The following NKAIN2 variants were observed in gnomAD, a reference collection of about 807,000 sequenced individuals.
The protein encoded by NKAIN2 is sodium/potassium transporting ATPase interacting 2.
Under a neutral mutation model 32.6 loss-of-function variants are expected in NKAIN2, and 14 were observed. That is an observed-to-expected ratio of 0.43 (90% CI 0.28 to 0.67). The LOEUF (loss-of-function observed/expected upper bound fraction) is 0.67. NKAIN2 is among the 30% of genes least tolerant of loss of function. The pLI is 0.17. For synonymous variants in NKAIN2, 80 were observed against 87.2 expected (o/e 0.92, Z 0.46); for missense variants, 198 against 258.3 (o/e 0.77, Z 1.60).
At chr6:124,275,021 TTG>T (rs1348813853) in intron 1 of NKAIN2, among the ~76,000 whole-genome samples, 1 of 152,102 alleles carries the variant, frequency 6.6e-6, no homozygotes, top group African/African-American at 2.4e-5. Flanking sequence ...AGAGTTAACT[TTG>T]TGTTACTTTT....
At chr6:124,116,137 C>A (rs1198217919) in intron 1 of NKAIN2, among the ~76,000 whole-genome samples, 1 of 151,968 alleles carries the variant, frequency 6.6e-6, no homozygotes, top group Admixed American at 6.6e-5. Flanking sequence ...TCAGATAAAA[C>A]GTTATTCTTC....
chr6:123,941,859 C>T (rs1272843549), intron 1 of NKAIN2, among the ~76,000 whole-genome samples: 1 of 151,872 alleles, frequency 6.6e-6, no homozygotes, highest in Non-Finnish European at 1.5e-5. Flanking sequence ...TAAATTGTTG[C>T]TGTGTGCCAC....
intron 1 of NKAIN2, among the ~76,000 whole-genome samples, chr6:124,096,983 A>T (rs1039412804): frequency 5.9e-5 from 9 of 152,220 alleles, no homozygotes; most frequent in Admixed American, 4.6e-4. Context: ...TGATTTAAGA[A>T]CGTAGATGAA....
intron 1 of NKAIN2, among the ~76,000 whole-genome samples, chr6:124,254,156 T>G (rs1793817327): frequency 6.6e-6 from 1 of 151,944 alleles, no homozygotes; most frequent in Non-Finnish European, 1.5e-5. Context: ...TTCACCATGT[T>G]GGCCAGGATG....
intron 3 of NKAIN2, among the ~76,000 whole-genome samples, chr6:124,467,332 A>C (rs1049004202): frequency 2.0e-5 from 3 of 152,130 alleles, no homozygotes; most frequent in African/African-American, 7.2e-5. Context: ...TGCATGTAAG[A>C]CTGAAGAGCT....
intron 5 of NKAIN2, among the ~76,000 whole-genome samples, chr6:124,817,382 C>T (rs922128773): frequency 6.6e-6 from 1 of 152,060 alleles, no homozygotes; most frequent in African/African-American, 2.4e-5. Flanking sequence ...ATTTCCCACA[C>T]CTGGATTTGG....
chr6:124,242,886 CAG>C (rs1793185259), intron 1 of NKAIN2, among the ~76,000 whole-genome samples: 1 of 135,054 alleles, frequency 7.4e-6, no homozygotes, highest in Admixed American at 8.0e-5. Context: ...GGGGGCATGT[CAG>C]GGGCTGGGGG....
intron 1 of NKAIN2, among the ~76,000 whole-genome samples, chr6:123,932,665 C>T (rs1337230978): frequency 1.3e-5 from 2 of 152,030 alleles, no homozygotes; most frequent in African/African-American, 2.4e-5. Flanking sequence ...GATCTGCCCG[C>T]CTCGGCCTCC....
At chr6:124,748,658 A>T (rs1440688355) in intron 4 of NKAIN2, among the ~76,000 whole-genome samples, 3 of 151,966 alleles carry the variant, frequency 2.0e-5, no homozygotes, top group Non-Finnish European at 4.4e-5. Flanking sequence ...ATTTCAACAT[A>T]AAGCGCAGAT....
intron 1 of NKAIN2, among the ~76,000 whole-genome samples, chr6:124,235,613 TCC>T (rs1792708493): frequency 7.0e-6 from 1 of 143,036 alleles, no homozygotes. Context: ...TTTTTTTTTT[TCC>T]TGAGACAGAG....
At chr6:123,821,231 T>A (rs1773910386) in intron 1 of NKAIN2, among the ~76,000 whole-genome samples, 1 of 152,242 alleles carries the variant, frequency 6.6e-6, no homozygotes, top group Admixed American at 6.5e-5. Flanking sequence ...TACATCATTT[T>A]TCTTGTTGTT....
intron 4 of NKAIN2, among the ~76,000 whole-genome samples, chr6:124,758,131 C>G (rs1399627957): frequency 6.6e-6 from 1 of 152,118 alleles, no homozygotes; most frequent in Non-Finnish European, 1.5e-5. Flanking sequence ...GAAGACTCAG[C>G]TTTAGACTCC....
chr6:124,385,116 A>T (rs1237870370), intron 3 of NKAIN2, among the ~76,000 whole-genome samples: 1 of 152,158 alleles, frequency 6.6e-6, no homozygotes, highest in Non-Finnish European at 1.5e-5. Flanking sequence ...ATGGTGCCAA[A>T]AGTCTCGCCA....
intron 1 of NKAIN2, among the ~76,000 whole-genome samples, chr6:124,228,602 A>G (rs1792246623): frequency 6.6e-6 from 1 of 152,124 alleles, no homozygotes; most frequent in Non-Finnish European, 1.5e-5. Context: ...TAAAATATAT[A>G]TTAAACTAAC....
intron 1 of NKAIN2, among the ~76,000 whole-genome samples, chr6:123,830,612 C>T (rs374077683): frequency 6.6e-6 from 1 of 152,302 alleles, no homozygotes; most frequent in Non-Finnish European, 1.5e-5. Context: ...TGCTGACCCC[C>T]CTAGTCAGGT....
rs973928332 is a variant in NKAIN2 at position 123,900,397 on chromosome 6, C to T, written c.54+96143C>T. Among the ~76,000 whole-genome samples, 109 of 151,676 alleles carry T rather than the reference C, an allele frequency of 7.2e-4. 1 individual carries two copies. Among genetic ancestry groups the T allele is most frequent in the African/African-American group, 2.5e-3 (103 of 41,312 alleles). The stretch of plus-strand genomic sequence containing the variant: ...CTGAGGTCGGACAATCGCTTGAACC[C>T]GGGAGGCGGAGGTTGCAGTGAGCCA... On this transcript the variant is annotated intron_variant, in intron 1 of 6. Transcript: ENST00000368417.
intron 5 of NKAIN2, among the ~76,000 whole-genome samples, chr6:124,815,558 C>T (rs113206119): frequency 0.051 from 7,757 of 151,952 alleles, 247 homozygotes; most frequent in Admixed American, 0.1. Context: ...GCGTGAGCCA[C>T]GGCACCCAGC....
intron 2 of NKAIN2, among the ~76,000 whole-genome samples, chr6:124,303,628 C>A (rs773363539): frequency 1.3e-5 from 2 of 152,214 alleles, no homozygotes; most frequent in Non-Finnish European, 2.9e-5. Flanking sequence ...CTGGGACTGG[C>A]ATTAATCAGA....
At chr6:123,903,305 T>G (rs535016232) in intron 1 of NKAIN2, among the ~76,000 whole-genome samples, 12 of 152,296 alleles carry the variant, frequency 7.9e-5, no homozygotes, top group Admixed American at 4.6e-4. Flanking sequence ...TGTTGTTGTT[T>G]TTTTGCTGAT....
Sources: allele counts gnomAD v4.1 joint callset (sites outside exome capture counted in the v4.1 genomes callset), GRCh38; gene constraint gnomAD v4.1.1; transcripts MANE v1.5; gene names NCBI Gene and HGNC (gene_info 2026-07-23, HGNC 2026-07-21).